Variants in ZSWIM6 observed in about 807,000 individuals in gnomAD.
The protein encoded by ZSWIM6 is zinc finger SWIM-type containing 6.
In ZSWIM6, 9 loss-of-function variants were observed where a neutral mutation model predicts 113.2. The observed-to-expected ratio is 0.08, with a 90% CI of 0.05 to 0.14. The LOEUF is 0.14. Among genes scored for constraint, ZSWIM6 ranks in the 10% least tolerant of loss-of-function variants. The pLI is 1.00. For synonymous variants in ZSWIM6, 611 were observed against 606.5 expected (o/e 1.01, Z -0.11); for missense variants, 1,162 against 1,552.2 (o/e 0.75, Z 4.22).
chr5:61,388,399 G>A (rs1422916515), intron 1 of ZSWIM6, among the ~76,000 whole-genome samples: 1 of 152,162 alleles, frequency 6.6e-6, no homozygotes, highest in African/African-American at 2.4e-5. Context: ...TGAATTAGTG[G>A]CCTGTCAAAG....
In ZSWIM6 at chr5:61,377,625, G is replaced by A. The variant is rs373805474; in HGVS notation, c.676+44677G>A. ...CCAGCTACTCAGGAGACTGAGGCAG[G>A]AGAATCTCTTGAACCTGTGAAGCAG... On this transcript the variant is annotated intron_variant, in intron 1 of 13. Transcript: ENST00000252744. 2.7e-4 allele frequency among the ~76,000 whole-genome samples: 41 copies of A among 151,810 alleles called. No homozygotes were observed. The South Asian group carries it at 8.3e-3, about 31-fold the overall frequency.
intron 1 of ZSWIM6, among the ~76,000 whole-genome samples, chr5:61,404,156 T>C (rs973223402): frequency 5.3e-5 from 8 of 152,070 alleles, no homozygotes; most frequent in African/African-American, 1.7e-4. Context: ...TACAGGCGCC[T>C]GCCACCACGC....
intron 1 of ZSWIM6, among the ~76,000 whole-genome samples, chr5:61,424,493 C>T (rs964404199): frequency 1.3e-5 from 2 of 152,140 alleles, no homozygotes; most frequent in Non-Finnish European, 2.9e-5. Flanking sequence ...CAGATAATCT[C>T]GGTTTTTTCC....
chr5:61,360,080 C>T (rs1412299855), intron 1 of ZSWIM6, among the ~76,000 whole-genome samples: 1 of 152,018 alleles, frequency 6.6e-6, no homozygotes, highest in Non-Finnish European at 1.5e-5. Context: ...AGGATGTTAT[C>T]AAGTGTCAGG....
intron 10 of ZSWIM6, among the ~76,000 whole-genome samples, chr5:61,537,230 G>A (rs890204259): frequency 6.6e-6 from 1 of 152,200 alleles, no homozygotes; most frequent in African/African-American, 2.4e-5. Flanking sequence ...ATTTGTCCTT[G>A]GTTGCTGCCA....
intron 12 of ZSWIM6, among the ~76,000 whole-genome samples, chr5:61,540,936 TTGTTG>T (rs1280156706): frequency 2.2e-4 from 24 of 111,448 alleles, no homozygotes; most frequent in Admixed American, 7.4e-4. Flanking sequence ...TTTTTTTTTT[TTGTTG>T]TTGTTGTTGT....
chr5:61,463,585 T>A (rs1457143918), intron 1 of ZSWIM6, among the ~76,000 whole-genome samples: 1 of 151,852 alleles, frequency 6.6e-6, no homozygotes, highest in Non-Finnish European at 1.5e-5. Context: ...ATGCCAAGAG[T>A]GTGTGTGTGT....
intron 1 of ZSWIM6, among the ~76,000 whole-genome samples, chr5:61,452,684 G>T (rs1385091098): frequency 6.6e-6 from 1 of 152,106 alleles, no homozygotes; most frequent in East Asian, 1.9e-4. Flanking sequence ...GTTAATATCT[G>T]CATTACCATT....
intron 12 of ZSWIM6, among the ~76,000 whole-genome samples, 197 bp downstream of exon 12, chr5:61,539,956 T>C (rs1294290929): frequency 6.6e-6 from 1 of 152,168 alleles, no homozygotes; most frequent in Non-Finnish European, 1.5e-5. Context: ...GTAAGGTGCA[T>C]GGACTGTACA....
At chr5:61,413,517 T>C (rs1036404463) in intron 1 of ZSWIM6, among the ~76,000 whole-genome samples, 2 of 152,174 alleles carry the variant, frequency 1.3e-5, no homozygotes, top group Non-Finnish European at 2.9e-5. Flanking sequence ...GCATGATTTA[T>C]AGTCCTTTGG....
At chr5:61,370,728 A>G (rs1407549477) in intron 1 of ZSWIM6, among the ~76,000 whole-genome samples, 1 of 152,200 alleles carries the variant, frequency 6.6e-6, no homozygotes, top group African/African-American at 2.4e-5. Context: ...GGATGTTTTT[A>G]TGGCACTTTC....
At chr5:61,489,757 G>A (rs1287106731) in intron 2 of ZSWIM6, among the ~76,000 whole-genome samples, 2 of 152,024 alleles carry the variant, frequency 1.3e-5, no homozygotes, top group Admixed American at 1.3e-4. Context: ...ACTGAGTCAG[G>A]CACTCAGTAA....
intron 1 of ZSWIM6, among the ~76,000 whole-genome samples, chr5:61,380,176 A>G (rs1745446429): frequency 6.6e-6 from 1 of 152,062 alleles, no homozygotes; most frequent in African/African-American, 2.4e-5. Context: ...CCCAGGTTCA[A>G]GTGATTCTCT....
intron 1 of ZSWIM6, chr5:61,391,521 A>G (rs1745714017): frequency 4.4e-6 from 5 of 1,125,338 alleles, no homozygotes; most frequent in Non-Finnish European, 6.8e-6. Flanking sequence ...TTTTATAGAA[A>G]TGTCTCTTGC....
chr5:61,473,052 T>C lies in ZSWIM6; in HGVS notation c.1033+15T>C. 1 of 1,400,938 alleles carries C rather than the reference T, an allele frequency of 7.1e-7. No homozygotes were observed. Among genetic ancestry groups the C allele is most frequent in the Non-Finnish European group, 9.5e-7 (1 of 1,054,454 alleles). The allele number at this position is 1,400,938 out of a possible 1,614,324, so 86.8% of individuals were successfully genotyped here. On this transcript the variant is annotated intron_variant, in intron 2 of 13. Coordinates refer to ENST00000252744, the MANE Select transcript of ZSWIM6 (RefSeq NM_020928.2). Reference sequence around the variant, plus strand: ...CCAAGTTCATGGTGAGTATAGACATTGACTCTTTAAATTTCCTCTCTGGAT... The same window carrying C: ...CCAAGTTCATGGTGAGTATAGACATCGACTCTTTAAATTTCCTCTCTGGAT...
chr5:61,517,651 T>G (rs1249687304), intron 4 of ZSWIM6, among the ~76,000 whole-genome samples: 1 of 152,000 alleles, frequency 6.6e-6, no homozygotes, highest in Admixed American at 6.6e-5. Context: ...TGAGAATTGG[T>G]CACATTTTGC....
At chr5:61,491,002 C>A in intron 3 of ZSWIM6, 68 bp downstream of exon 3, 1 of 1,370,888 alleles carries the variant, frequency 7.3e-7, no homozygotes, top group Non-Finnish European at 9.7e-7. Flanking sequence ...TGAATATGAT[C>A]ATGTCTACAA....
chr5:61,523,705 T>C (rs971375819), intron 5 of ZSWIM6, among the ~76,000 whole-genome samples: 4 of 152,248 alleles, frequency 2.6e-5, no homozygotes, highest in South Asian at 2.1e-4. Context: ...ACCAAATTTT[T>C]AATTGTATAT....
intron 9 of ZSWIM6, among the ~76,000 whole-genome samples, chr5:61,533,097 C>T (rs780661492): frequency 2.6e-5 from 4 of 152,194 alleles, no homozygotes; most frequent in Non-Finnish European, 4.4e-5. Context: ...AGTCTTGATT[C>T]GTCCATCCCT....
Sources: gnomAD v4.1 joint callset for allele counts (sites outside exome capture counted in the v4.1 genomes callset) on GRCh38, gnomAD v4.1.1 for gene constraint, MANE v1.5 for transcripts, NCBI Gene and HGNC (gene_info 2026-07-23, HGNC 2026-07-21) for gene names.